Variants in SKAP2 observed in about 807,000 individuals in gnomAD.
The protein encoded by SKAP2 is src kinase associated phosphoprotein 2, also known as src kinase-associated phosphoprotein 2.
SKAP2 carries 28 observed loss-of-function variants against 54.9 expected under a neutral mutation model. That is an observed-to-expected ratio of 0.51 (90% CI 0.38 to 0.70). SKAP2 has a LOEUF of 0.70. Ranked by LOEUF, SKAP2 falls within the 30% of genes least tolerant of loss-of-function variation. The pLI, the probability that SKAP2 is intolerant of heterozygous loss-of-function variation, is 0.00. For synonymous variants in SKAP2, 137 were observed against 134.3 expected (o/e 1.02, Z -0.14); for missense variants, 356 against 424.1 (o/e 0.84, Z 1.41).
At chr7:26,755,253 G>A (rs1782764954) in intron 4 of SKAP2, among the ~76,000 whole-genome samples, 1 of 145,410 alleles carries the variant, frequency 6.9e-6, no homozygotes, top group African/African-American at 2.8e-5. Context: ...TAATTTTTAA[G>A]AATTCCTCAG....
At chr7:26,855,574 C>A (rs571386480) in intron 1 of SKAP2, among the ~76,000 whole-genome samples, 1 of 152,076 alleles carries the variant, frequency 6.6e-6, no homozygotes, top group Non-Finnish European at 1.5e-5. Flanking sequence ...GAAGTACAAA[C>A]ATAAGTTCTT....
At position 26,669,631 on chromosome 7, in the gene SKAP2, C is replaced by G. The variant is rs1485034705; in HGVS notation, c.*35G>C. 6.6e-6 allele frequency: 1 copy of G among 152,290 alleles called. No homozygotes were observed. The highest frequency in any genetic ancestry group is 1.5e-5 in the Non-Finnish European group (1 of 68,230). The allele number at this position is 152,290 out of a possible 1,614,324, so 9.4% of individuals were successfully genotyped here. On this transcript the variant is annotated 3_prime_UTR_variant, in exon 13 of 13. Coordinates refer to ENST00000345317, the MANE Select transcript of SKAP2 (RefSeq NM_003930.5). ...GACGCTTCTAAATCCAAAGCATTTG[C>G]AGACAAGCAGAAGAATTTTCCTTTT...
chr7:26,725,358 ACACACACACACACT>A (rs1787678135), intron 9 of SKAP2, 56 bp downstream of exon 9: 8 of 937,578 alleles, frequency 8.5e-6, no homozygotes, highest in South Asian at 5.9e-5. Flanking sequence ...ACACACACAA[ACACACACACACACT>A]CACACACACA....
At position 26,844,063 on chromosome 7, in the gene SKAP2, G is replaced by T; in HGVS notation, c.274C>A (p.Arg92=). ...GGGGCTTCATCGTCTTTATCATATCGTTCTGAGGCTAATGAAATAGTGTCT... is the reference window on the plus strand; with the variant it reads ...GGGGCTTCATCGTCTTTATCATATCTTTCTGAGGCTAATGAAATAGTGTCT... The part of the protein sequence containing the change: ...PPDTISLASE[R]YDKDDEAPSD... The change falls in exon 4 of 13, where the codon CGA becomes AGA. Residue 92 remains arginine, a synonymous_variant. Transcript: ENST00000345317. 6.2e-7 allele frequency: 1 copy of T among 1,611,270 alleles called. No individual in the cohort carries two copies. Among genetic ancestry groups the T allele is most frequent in the Non-Finnish European group, 8.5e-7 (1 of 1,178,240 alleles).
chr7:26,720,051 A>AATACACACACAC (rs1015284636), intron 9 of SKAP2, among the ~76,000 whole-genome samples: 2 of 141,818 alleles, frequency 1.4e-5, no homozygotes, highest in Admixed American at 7.0e-5. Flanking sequence ...ACATATCTGT[A>AATACACACACAC]ACACACACAC....
At chr7:26,746,876 C>A (rs969766110) in intron 4 of SKAP2, among the ~76,000 whole-genome samples, 2 of 152,056 alleles carry the variant, frequency 1.3e-5, no homozygotes, top group African/African-American at 4.8e-5. Context: ...CTAGTAACTT[C>A]TTTTACATCT....
At chr7:26,833,597 A>C (rs1784642980) in intron 4 of SKAP2, among the ~76,000 whole-genome samples, 1 of 152,118 alleles carries the variant, frequency 6.6e-6, no homozygotes, top group Non-Finnish European at 1.5e-5. Context: ...ACAGACATTA[A>C]AACAACAAAG....
rs1554307005 is a variant in SKAP2, at chr7:26,844,155, AAT to A, written c.200-20_200-19del. The A allele has an allele frequency of 2.7e-6, 4 of 1,465,308 alleles. No homozygotes were observed. In the African/African-American group the frequency reaches 5.6e-5, roughly 21 times the overall value. The allele number at this position is 1,465,308 out of a possible 1,614,324, so 90.8% of individuals were successfully genotyped here. A position where few individuals can be genotyped will look rare whatever the true frequency, so the allele number is the denominator to read the frequency against. ...TGCATCACCTGTTAAAAAAAAAAAA[AAT>A]CAGAGAACTGCCTTTTATACTTTAG... On this transcript the variant is annotated intron_variant, in intron 3 of 12. Transcript: ENST00000345317.
At chr7:26,821,588 A>G (rs1336659957) in intron 4 of SKAP2, among the ~76,000 whole-genome samples, 1 of 152,166 alleles carries the variant, frequency 6.6e-6, no homozygotes, top group Non-Finnish European at 1.5e-5. Context: ...GATTTGCCAC[A>G]TCTCTATTCC....
At chr7:26,682,414 G>A (rs1308717741) in intron 11 of SKAP2, among the ~76,000 whole-genome samples, 2 of 152,150 alleles carry the variant, frequency 1.3e-5, no homozygotes, top group East Asian at 3.8e-4. Flanking sequence ...TCTCATCAAG[G>A]AAAGCTAAAT....
At chr7:26,863,922 A>C (rs957075001) in intron 1 of SKAP2, among the ~76,000 whole-genome samples, 1 of 151,842 alleles carries the variant, frequency 6.6e-6, no homozygotes, top group East Asian at 1.9e-4. Context: ...GCATCTCTAC[A>C]TCCTCTACCT....
intron 9 of SKAP2, among the ~76,000 whole-genome samples, chr7:26,709,897 ATCAC>A (rs1217792574): frequency 1.3e-5 from 2 of 152,206 alleles, no homozygotes; most frequent in African/African-American, 4.8e-5. Context: ...AGAGCTTTTC[ATCAC>A]TCAATGTATT....
chr7:26,821,642 T>C (rs952686854), intron 4 of SKAP2, among the ~76,000 whole-genome samples: 3 of 152,192 alleles, frequency 2.0e-5, no homozygotes, highest in African/African-American at 7.2e-5. Flanking sequence ...GGATTCTCAA[T>C]ACTCCTTCAA....
At chr7:26,723,671 A>C (rs1787630487) in intron 9 of SKAP2, among the ~76,000 whole-genome samples, 1 of 152,154 alleles carries the variant, frequency 6.6e-6, no homozygotes, top group Non-Finnish European at 1.5e-5. Context: ...TATGAAAATA[A>C]CTATGAATAT....
At chr7:26,798,770 A>G (rs1469611478) in intron 4 of SKAP2, among the ~76,000 whole-genome samples, 1 of 152,024 alleles carries the variant, frequency 6.6e-6, no homozygotes, top group Admixed American at 6.6e-5. Flanking sequence ...TTTTTGATGA[A>G]GTTAAGCTGT....
chr7:26,821,346 G>T (rs1160249059), intron 4 of SKAP2, among the ~76,000 whole-genome samples: 3 of 152,086 alleles, frequency 2.0e-5, no homozygotes, highest in Non-Finnish European at 4.4e-5. Context: ...AAGATAAAAT[G>T]TATCACCAGG....
intron 3 of SKAP2, among the ~76,000 whole-genome samples, chr7:26,849,728 A>G (rs1374465055): frequency 2.6e-5 from 4 of 151,714 alleles, no homozygotes; most frequent in African/African-American, 9.7e-5. Flanking sequence ...CATTTTACAA[A>G]TTTGAAAAAA....
At chr7:26,717,508 TCAAAAAAAAAA>T (rs2127952685) in intron 9 of SKAP2, among the ~76,000 whole-genome samples, 1 of 8,264 alleles carries the variant, frequency 1.2e-4, no homozygotes, top group East Asian at 8.3e-3. Context: ...AGACCCCATC[TCAAAAAAAAAA>T]AAAAAAAAAA....
chr7:26,802,037 A>G (rs999996869), intron 4 of SKAP2, among the ~76,000 whole-genome samples: 5 of 152,154 alleles, frequency 3.3e-5, no homozygotes, highest in Admixed American at 3.3e-4. Flanking sequence ...AAAGACTCAG[A>G]ACAGCCAATG....
Sources: allele counts gnomAD v4.1 joint callset (sites outside exome capture counted in the v4.1 genomes callset), GRCh38; gene constraint gnomAD v4.1.1; transcripts MANE v1.5; gene names NCBI Gene and HGNC (gene_info 2026-07-23, HGNC 2026-07-21).